The following KCNQ1 variants were observed in gnomAD, a reference collection of about 807,000 sequenced individuals.
KCNQ1 encodes potassium voltage-gated channel subfamily KQT member 1.
Under a neutral mutation model 72.4 loss-of-function variants are expected in KCNQ1, and 49 were observed. That is an observed-to-expected ratio of 0.68 (90% CI 0.54 to 0.86). The LOEUF is 0.86. KCNQ1 is among the 40% of genes least tolerant of loss of function. The pLI, the probability that KCNQ1 is intolerant of heterozygous loss-of-function variation, is 0.00. For missense variants in KCNQ1, 790 were observed against 945.1 expected, an observed-to-expected ratio of 0.84 and a Z score of 2.15; for synonymous variants, 450 against 412.6, an observed-to-expected ratio of 1.09 and a Z score of -1.10.
chr11:2,778,074 G>A lies in KCNQ1; in HGVS notation c.1794+37G>A, dbSNP rs754323312. The A allele has an allele frequency of 1.9e-6, 3 of 1,597,894 alleles. No homozygotes were observed. In the African/African-American group the frequency reaches 4.0e-5, roughly 21 times the overall value. On this transcript the variant is annotated intron_variant, in intron 15 of 15. Transcript: ENST00000155840. ...CGCCGGCCTGCGGTGGTTCTGGTTAGCGTCCTGGGGCCAGCAGGCACCTCC... is the reference window on the plus strand; with the variant it reads ...CGCCGGCCTGCGGTGGTTCTGGTTAACGTCCTGGGGCCAGCAGGCACCTCC...
intron 2 of KCNQ1, among the ~76,000 whole-genome samples, chr11:2,528,759 A>T (rs1230515446): frequency 6.6e-6 from 1 of 152,092 alleles, no homozygotes; most frequent in Non-Finnish European, 1.5e-5. Context: ...AAAGGAAGAG[A>T]GTGTCACGAC....
At chr11:2,846,707 C>T (rs1278812347) in intron 15 of KCNQ1, among the ~76,000 whole-genome samples, 1 of 152,254 alleles carries the variant, frequency 6.6e-6, no homozygotes, top group African/African-American at 2.4e-5. Context: ...GCTGGATGGC[C>T]ACTTCCCACC....
chr11:2,598,362 T>A lies in KCNQ1; in HGVS notation c.1393+9508T>A, dbSNP rs1191370711. On this transcript the variant is annotated intron_variant, in intron 10 of 15. Coordinates refer to ENST00000155840, the MANE Select transcript of KCNQ1 (RefSeq NM_000218.3). The surrounding 1 kb of genome is among the most constrained non-coding windows in gnomAD (Gnocchi z 6.2). Reference sequence around the variant, plus strand: ...TCACTGTTATTTATTTCTAATTTAGTAGGCTTACAGTGAAAGGATGTAGCC... The same window carrying A: ...TCACTGTTATTTATTTCTAATTTAGAAGGCTTACAGTGAAAGGATGTAGCC... Among the ~76,000 whole-genome samples, 1 of 152,226 alleles carries A rather than the reference T, an allele frequency of 6.6e-6. No homozygotes were observed. The highest frequency in any genetic ancestry group is 1.5e-5 in the Non-Finnish European group (1 of 68,038).
Position 2,679,820 on chromosome 11 carries a change from T to C in KCNQ1, c.1514+17739T>C. 1 of 398,652 alleles carries C rather than the reference T, an allele frequency of 2.5e-6. No individual in the cohort carries two copies. Among genetic ancestry groups the C allele is most frequent in the Non-Finnish European group, 4.4e-6 (1 of 226,076 alleles). 24.7% of individuals were successfully genotyped at this position (398,652 alleles called of 1,614,324 possible). A position where few individuals can be genotyped will look rare whatever the true frequency, so the allele number is the denominator to read the frequency against. On this transcript the variant is annotated intron_variant, in intron 11 of 15. Coordinates refer to ENST00000155840, the MANE Select transcript of KCNQ1 (RefSeq NM_000218.3). The surrounding 1 kb of genome is among the most constrained non-coding windows in gnomAD (Gnocchi z 4.8). ...GCTAGAGGAGCACAAGGGGCCAGAC[T>C]GCTGCTACTTCTGAATTTTATAGGA...
chr11:2,687,241 A>G lies in KCNQ1; in HGVS notation c.1514+25160A>G, dbSNP rs1369566320. On this transcript the variant is annotated intron_variant, in intron 11 of 15. Transcript: ENST00000155840. The surrounding 1 kb of genome is among the most constrained non-coding windows in gnomAD (Gnocchi z 5.0). ...AATGTGCAATTTTCACTCAGCCAGC[A>G]TCACTACCAGCTCCGGGCTTCTCTC... 5 of 398,516 alleles carry G rather than the reference A, an allele frequency of 1.3e-5. No homozygotes were observed. The East Asian group carries it at 1.8e-4, about 14-fold the overall frequency. 24.7% of individuals were successfully genotyped at this position (398,516 alleles called of 1,614,324 possible).
chr11:2,663,535 G>A lies in KCNQ1; in HGVS notation c.1514+1454G>A, dbSNP rs1424468549. 6 of 398,626 alleles carry A rather than the reference G, an allele frequency of 1.5e-5. No individual in the cohort carries two copies. Among genetic ancestry groups the A allele is most frequent in the Non-Finnish European group, 2.7e-5 (6 of 226,090 alleles). 24.7% of individuals were successfully genotyped at this position (398,626 alleles called of 1,614,324 possible). A position where few individuals can be genotyped will look rare whatever the true frequency, so the allele number is the denominator to read the frequency against. ...TGCCTCTTGGCTGTCCCCTCAGAGA[G>A]GGGACTGTCCCTTCTCATCCTTCTG... On this transcript the variant is annotated intron_variant, in intron 11 of 15. Coordinates refer to ENST00000155840, the MANE Select transcript of KCNQ1 (RefSeq NM_000218.3). This position sits in a 1 kb window ranked among gnomAD's most constrained non-coding sequence, Gnocchi z 5.2.
chr11:2,472,727 C>T (rs1291682405), intron 1 of KCNQ1, among the ~76,000 whole-genome samples: 5 of 152,086 alleles, frequency 3.3e-5, no homozygotes, highest in African/African-American at 1.2e-4. Context: ...TCAGCCCCTG[C>T]CCATTGTCAG....
chr11:2,621,198 G>C lies in KCNQ1; in HGVS notation c.1393+32344G>C. Reference sequence around the variant, plus strand: ...TCACCATGTTGGCCAGGATGGTCTCGAATACCTGACCCCAGATGATCCACG... The same window carrying C: ...TCACCATGTTGGCCAGGATGGTCTCCAATACCTGACCCCAGATGATCCACG... On this transcript the variant is annotated intron_variant, in intron 10 of 15. Transcript: ENST00000155840. This position sits in a 1 kb window ranked among gnomAD's most constrained non-coding sequence, Gnocchi z 5.7. 1 of 397,402 alleles carries C rather than the reference G, an allele frequency of 2.5e-6. No individual in the cohort carries two copies. 24.6% of individuals were successfully genotyped at this position (397,402 alleles called of 1,614,324 possible).
rs963937034 is a variant in KCNQ1, at chr11:2,664,982, G to T, written c.1514+2901G>T. Reference sequence around the variant, plus strand: ...TGATTACGGGAAGGTCCCTGGGGCTGGGCGAAGCTCCTCTTTCCGGGGCCT... The same window carrying T: ...TGATTACGGGAAGGTCCCTGGGGCTTGGCGAAGCTCCTCTTTCCGGGGCCT... On this transcript the variant is annotated intron_variant, in intron 11 of 15. Coordinates refer to ENST00000155840, the MANE Select transcript of KCNQ1 (RefSeq NM_000218.3). This position sits in a 1 kb window ranked among gnomAD's most constrained non-coding sequence, Gnocchi z 5.1. 13 of 398,540 alleles carry T rather than the reference G, an allele frequency of 3.3e-5. No homozygotes were observed. Among genetic ancestry groups the T allele is most frequent in the Non-Finnish European group, 5.3e-5 (12 of 226,128 alleles). The allele number at this position is 398,540 out of a possible 1,614,324, so 24.7% of individuals were successfully genotyped here.
In KCNQ1 at chr11:2,658,438, G is replaced by T. The variant is rs1362153619; in HGVS notation, c.1394-3523G>T. The T allele has an allele frequency of 2.3e-5, 9 of 398,466 alleles. No individual in the cohort carries two copies. In the Admixed American group the frequency reaches 3.1e-4, roughly 14 times the overall value. The allele number at this position is 398,466 out of a possible 1,614,324, so 24.7% of individuals were successfully genotyped here. A position where few individuals can be genotyped will look rare whatever the true frequency, so the allele number is the denominator to read the frequency against. On this transcript the variant is annotated intron_variant, in intron 10 of 15. Transcript: ENST00000155840. The surrounding 1 kb of genome is among the most constrained non-coding windows in gnomAD (Gnocchi z 4.9). ...ATTGTTCAAGCTGTGGCCACTGGTG[G>T]GTTCATGTGTCCTTTTGATGTGCCC...
rs559698079 is a variant in KCNQ1 at position 2,779,743 on chromosome 11, C to T, written c.1794+1706C>T. On this transcript the variant is annotated intron_variant, in intron 15 of 15. Coordinates refer to ENST00000155840, the MANE Select transcript of KCNQ1 (RefSeq NM_000218.3). Reference sequence around the variant, plus strand: ...GCCTCCTGAAGTGCAATGGCCCCTTCCTGACGTGCACAGCAGCCGTCCAGC... The same window carrying T: ...GCCTCCTGAAGTGCAATGGCCCCTTTCTGACGTGCACAGCAGCCGTCCAGC... Among the ~76,000 whole-genome samples, 9 of 152,334 alleles carry T rather than the reference C, an allele frequency of 5.9e-5. No homozygotes were observed. In the East Asian group the frequency reaches 1.7e-3, roughly 29 times the overall value.
At chr11:2,749,970 A>G (rs1246635458) in intron 11 of KCNQ1, among the ~76,000 whole-genome samples, 1 of 152,074 alleles carries the variant, frequency 6.6e-6, no homozygotes, top group African/African-American at 2.4e-5. Context: ...CAAAAAAAAA[A>G]AAATAAAAAG....
Position 2,653,142 on chromosome 11 carries a change from A to G in KCNQ1, c.1394-8819A>G. 3 of 398,760 alleles carry G rather than the reference A, an allele frequency of 7.5e-6. No individual in the cohort carries two copies. The highest frequency in any genetic ancestry group is 8.8e-6 in the Non-Finnish European group (2 of 226,114). 24.7% of individuals were successfully genotyped at this position (398,760 alleles called of 1,614,324 possible). A position where few individuals can be genotyped will look rare whatever the true frequency, so the allele number is the denominator to read the frequency against. ...AGATGAGGACTTGCATCACAGCAGT[A>G]GAAAGCCAATGTCCCACCTTAGGAA... On this transcript the variant is annotated intron_variant, in intron 10 of 15. Coordinates refer to ENST00000155840, the MANE Select transcript of KCNQ1 (RefSeq NM_000218.3). The surrounding 1 kb of genome is among the most constrained non-coding windows in gnomAD (Gnocchi z 5.3).
intron 10 of KCNQ1, chr11:2,629,544 C>G: frequency 2.5e-6 from 1 of 398,368 alleles, no homozygotes; most frequent in African/African-American, 2.1e-5. Context: ...CATTCTCTCA[C>G]GTGAGGATAT....
At position 2,659,388 on chromosome 11, in the gene KCNQ1, T is replaced by G. The variant is rs1291690894; in HGVS notation, c.1394-2573T>G. The G allele has an allele frequency of 2.5e-6, 1 of 398,534 alleles. No individual in the cohort carries two copies. The highest frequency in any genetic ancestry group is 2.1e-5 in the African/African-American group (1 of 48,658). The allele number at this position is 398,534 out of a possible 1,614,324, so 24.7% of individuals were successfully genotyped here. On this transcript the variant is annotated intron_variant, in intron 10 of 15. Coordinates refer to ENST00000155840, the MANE Select transcript of KCNQ1 (RefSeq NM_000218.3). This position sits in a 1 kb window ranked among gnomAD's most constrained non-coding sequence, Gnocchi z 4.3. ...TTTTGCATCTGGCTTCTTTCACTGC[T>G]TAGCAAAATGCATTTGAGATTCATC... is the stretch of plus-strand genomic sequence containing the variant.
chr11:2,580,149 G>C (rs1848477724), intron 6 of KCNQ1, among the ~76,000 whole-genome samples: 4 of 152,120 alleles, frequency 2.6e-5, no homozygotes, highest in Admixed American at 2.6e-4. Flanking sequence ...CTTACGCTTG[G>C]CACGCAAGGC....
rs892696576 is a variant in KCNQ1 at position 2,668,927 on chromosome 11, C to T, written c.1514+6846C>T. Reference sequence around the variant, plus strand: ...TTATTCTAAAGCTTTATTAGCTCACCTTTCCCATGTAGATCTGCACTCCAT... The same window carrying T: ...TTATTCTAAAGCTTTATTAGCTCACTTTTCCCATGTAGATCTGCACTCCAT... On this transcript the variant is annotated intron_variant, in intron 11 of 15. Coordinates refer to ENST00000155840, the MANE Select transcript of KCNQ1 (RefSeq NM_000218.3). The surrounding 1 kb of genome is among the most constrained non-coding windows in gnomAD (Gnocchi z 4.3). 2.5e-6 allele frequency: 1 copy of T among 398,490 alleles called. No individual in the cohort carries two copies. Among genetic ancestry groups the T allele is most frequent in the East Asian group, 3.6e-5 (1 of 28,092 alleles). 24.7% of individuals were successfully genotyped at this position (398,490 alleles called of 1,614,324 possible).
intron 7 of KCNQ1, 27 bp downstream of exon 7, chr11:2,583,572 C>A: frequency 6.6e-7 from 1 of 1,525,056 alleles, no homozygotes; most frequent in Non-Finnish European, 9.1e-7. Context: ...TGCGTTTTCC[C>A]TGGCTCCTTG....
chr11:2,564,340 T>C lies in KCNQ1; in HGVS notation c.478-6288T>C, dbSNP rs1441535697. Among the ~76,000 whole-genome samples, 1 of 152,190 alleles carries C rather than the reference T, an allele frequency of 6.6e-6. No homozygotes were observed. Among genetic ancestry groups the C allele is most frequent in the Non-Finnish European group, 1.5e-5 (1 of 68,030 alleles). On this transcript the variant is annotated intron_variant, in intron 2 of 15. Transcript: ENST00000155840. The surrounding 1 kb of genome is among the most constrained non-coding windows in gnomAD (Gnocchi z 4.5). ...CAGGCGCGGTGACTCATGCCTGCAATCCCAGCACTTTGGAAGGCTGAGGCG... is the reference window on the plus strand; with the variant it reads ...CAGGCGCGGTGACTCATGCCTGCAACCCCAGCACTTTGGAAGGCTGAGGCG...
Sources: gnomAD v4.1 joint callset for allele counts (sites outside exome capture counted in the v4.1 genomes callset) on GRCh38, gnomAD v4.1.1 for gene constraint, Gnocchi (gnomAD v3.1) non-coding constraint, MANE v1.5 for transcripts, NCBI Gene and HGNC (gene_info 2026-07-23, HGNC 2026-07-21) for gene names.